KCNIP4: variants seen among roughly 807,000 people sequenced by gnomAD.
KCNIP4 encodes the protein Kv channel-interacting protein 4.
In KCNIP4, 12 loss-of-function variants were observed where a neutral mutation model predicts 34.0. The observed-to-expected ratio is 0.35, with a 90% confidence interval of 0.23 to 0.57. The LOEUF (loss-of-function observed/expected upper bound fraction) is 0.57, where lower values mean the gene tolerates loss of function less well. Among genes scored for constraint, KCNIP4 ranks in the 20% least tolerant of loss-of-function variants. The pLI, the probability that KCNIP4 is intolerant of heterozygous loss-of-function variation, is 0.83. For synonymous variants in KCNIP4, 124 were observed against 102.2 expected (o/e 1.21, Z -1.29); for missense variants, 238 against 311.7 (o/e 0.76, Z 1.78).
At chr4:20,802,573 C>T (rs568511676) in intron 3 of KCNIP4, among the ~76,000 whole-genome samples, 8 of 152,190 alleles carry the variant, frequency 5.3e-5, no homozygotes, top group African/African-American at 1.9e-4. Context: ...ACACATGGAA[C>T]ATTCTCCAAG....
In KCNIP4 at chr4:21,524,197, T is replaced by G. The variant is rs140424396; in HGVS notation, c.61+424374A>C. ...CCTATTTTCACCTGCCTCACTGTGGTAGCCTTTCTTTGCTCCAGCCCTTCT... is the reference window on the plus strand; with the variant it reads ...CCTATTTTCACCTGCCTCACTGTGGGAGCCTTTCTTTGCTCCAGCCCTTCT... On this transcript the variant is annotated intron_variant, in intron 1 of 8. Transcript: ENST00000382152. 1.1e-3 allele frequency among the ~76,000 whole-genome samples: 165 copies of G among 150,046 alleles called. 2 individuals carry two copies. Among genetic ancestry groups the G allele is most frequent in the African/African-American group, 3.8e-3 (156 of 40,884 alleles).
At chr4:20,880,359 G>T (rs1201053785) in intron 2 of KCNIP4, among the ~76,000 whole-genome samples, 10 of 152,130 alleles carry the variant, frequency 6.6e-5, no homozygotes, top group Non-Finnish European at 1.5e-4. Context: ...AGAGGAGAAG[G>T]CAGGAGTCTT....
intron 1 of KCNIP4, among the ~76,000 whole-genome samples, chr4:21,049,041 C>T (rs968020170): frequency 2.0e-5 from 3 of 149,174 alleles, no homozygotes; most frequent in Non-Finnish European, 4.4e-5. Flanking sequence ...AGCTCCGCCT[C>T]CCGGGTTCAC....
At chr4:21,838,872 T>G (rs1027258237) in intron 1 of KCNIP4, among the ~76,000 whole-genome samples, 1 of 152,226 alleles carries the variant, frequency 6.6e-6, no homozygotes, top group South Asian at 2.1e-4. Flanking sequence ...ATTTTTTCTC[T>G]TGAATATCTC....
intron 1 of KCNIP4, among the ~76,000 whole-genome samples, chr4:21,237,041 C>T (rs184238842): frequency 3.6e-4 from 55 of 151,024 alleles, no homozygotes; most frequent in Middle Eastern, 3.5e-3. Context: ...TCAACGGGTA[C>T]AAATTATTCT....
intron 1 of KCNIP4, among the ~76,000 whole-genome samples, chr4:21,672,623 T>C (rs991561192): frequency 1.3e-5 from 2 of 152,236 alleles, no homozygotes; most frequent in Admixed American, 1.3e-4. Flanking sequence ...TCAGATACCA[T>C]GAAAGTATGA....
chr4:21,226,040 C>T (rs1002485519), intron 1 of KCNIP4, among the ~76,000 whole-genome samples: 6 of 151,854 alleles, frequency 4.0e-5, no homozygotes, highest in Admixed American at 2.6e-4. Flanking sequence ...AGGTGGATTA[C>T]CTTAAATCTT....
chr4:20,784,090 T>C (rs1217820197), intron 3 of KCNIP4, among the ~76,000 whole-genome samples: 6 of 152,176 alleles, frequency 3.9e-5, no homozygotes, highest in Non-Finnish European at 8.8e-5. Context: ...AACACTAGTG[T>C]CCTAAAACAA....
Position 21,678,888 on chromosome 4 carries a change from C to A in KCNIP4, c.61+269683G>T, listed in dbSNP as rs1480133524. On this transcript the variant is annotated intron_variant, in intron 1 of 8. Coordinates refer to ENST00000382152, the MANE Select transcript of KCNIP4 (RefSeq NM_025221.6). ...ACGTGACTGTACTTAGAGATAAGATCTTTAAAGGAGTGATTCAGTTAAAAT... is the reference window on the plus strand; with the variant it reads ...ACGTGACTGTACTTAGAGATAAGATATTTAAAGGAGTGATTCAGTTAAAAT... 2.0e-5 allele frequency among the ~76,000 whole-genome samples: 3 copies of A among 152,156 alleles called. No individual in the cohort carries two copies. The East Asian group carries it at 5.8e-4, about 29-fold the overall frequency.
chr4:21,441,385 C>T (rs182970385), intron 1 of KCNIP4, among the ~76,000 whole-genome samples: 19 of 151,954 alleles, frequency 1.3e-4, no homozygotes, highest in African/African-American at 4.3e-4. Context: ...CCTCGTGATC[C>T]GCCCGTCTCG....
intron 1 of KCNIP4, among the ~76,000 whole-genome samples, chr4:21,521,287 A>T (rs1434427776): frequency 6.6e-6 from 1 of 152,214 alleles, no homozygotes; most frequent in Admixed American, 6.5e-5. Context: ...TTGTGTATAC[A>T]ACTGCCTTCA....
intron 1 of KCNIP4, among the ~76,000 whole-genome samples, chr4:21,723,523 T>G (rs1008305758): frequency 6.6e-6 from 1 of 152,038 alleles, no homozygotes; most frequent in Non-Finnish European, 1.5e-5. Context: ...GAGTTCAGTA[T>G]GGCTAGTGGA....
intron 1 of KCNIP4, among the ~76,000 whole-genome samples, chr4:21,374,828 G>A (rs1462639066): frequency 6.8e-6 from 1 of 147,554 alleles, no homozygotes; most frequent in Non-Finnish European, 1.5e-5. Flanking sequence ...GGAATGGAGT[G>A]TAGCTTGGTG....
chr4:21,599,180 C>A (rs1359097808), intron 1 of KCNIP4, among the ~76,000 whole-genome samples: 1 of 152,072 alleles, frequency 6.6e-6, no homozygotes, highest in Non-Finnish European at 1.5e-5. Flanking sequence ...TGCTTTGAAT[C>A]CTCCTCCCCT....
chr4:21,314,151 C>G (rs543090626), intron 1 of KCNIP4, among the ~76,000 whole-genome samples: 1 of 152,124 alleles, frequency 6.6e-6, no homozygotes, highest in African/African-American at 2.4e-5. Context: ...CTCTTGGTGC[C>G]GTGTTCTGTC....
At chr4:21,188,289 GC>G (rs1755386208) in intron 1 of KCNIP4, among the ~76,000 whole-genome samples, 1 of 152,088 alleles carries the variant, frequency 6.6e-6, no homozygotes, top group Non-Finnish European at 1.5e-5. Flanking sequence ...CATTTTCAAA[GC>G]AGCAATCTCT....
Position 20,852,771 on chromosome 4 carries a change from A to G in KCNIP4, c.164-2104T>C, listed in dbSNP as rs555591073. On this transcript the variant is annotated intron_variant, in intron 2 of 8. Transcript: ENST00000382152. ...GCTCCTAGAACTGATAAAAGAATTC[A>G]GTGAAGTTTCTGGACAGAAAATTAA... is the stretch of plus-strand genomic sequence containing the variant. Among the ~76,000 whole-genome samples, 187 of 152,340 alleles carry G rather than the reference A, an allele frequency of 1.2e-3. 4 individuals are homozygous for G. Among genetic ancestry groups the G allele is most frequent in the Admixed American group, 5.2e-4 (8 of 15,300 alleles).
At chr4:20,746,303 A>G (rs1295861728) in intron 5 of KCNIP4, among the ~76,000 whole-genome samples, 1 of 152,026 alleles carries the variant, frequency 6.6e-6, no homozygotes, top group Non-Finnish European at 1.5e-5. Context: ...GTTCTCACTC[A>G]TAGCTGGGAA....
intron 5 of KCNIP4, among the ~76,000 whole-genome samples, chr4:20,735,018 A>G (rs1049760100): frequency 6.6e-6 from 1 of 152,202 alleles, no homozygotes; most frequent in Non-Finnish European, 1.5e-5. Context: ...TATAAGTGGT[A>G]TTGGCTTTCC....
Sources: gnomAD v4.1 joint callset for allele counts (sites outside exome capture counted in the v4.1 genomes callset) on GRCh38, gnomAD v4.1.1 for gene constraint, MANE v1.5 for transcripts, NCBI Gene and HGNC (gene_info 2026-07-23, HGNC 2026-07-21) for gene names.